FHIT: variants seen among roughly 807,000 people sequenced by gnomAD.
FHIT encodes the protein fragile histidine triad diadenosine triphosphatase.
FHIT carries 19 observed loss-of-function variants against 17.9 expected under a neutral mutation model. The observed-to-expected ratio is 1.06, with a 90% confidence interval of 0.74 to 1.56. The LOEUF (loss-of-function observed/expected upper bound fraction) is 1.56. Among genes scored for constraint, FHIT ranks in the 40% most tolerant of loss-of-function variants. FHIT has a pLI of 0.00. For missense variants in FHIT, 248 were observed against 189.2 expected (o/e 1.31, Z -1.82); for synonymous variants, 81 against 69.7 (o/e 1.16, Z -0.81).
At chr3:60,170,465 G>C (rs1701368529) in intron 5 of FHIT, among the ~76,000 whole-genome samples, 1 of 152,126 alleles carries the variant, frequency 6.6e-6, no homozygotes, top group South Asian at 2.1e-4. Flanking sequence ...TCCCACGTGA[G>C]TATAAATGTG....
intron 8 of FHIT, among the ~76,000 whole-genome samples, chr3:59,798,934 T>C (rs1489939067): frequency 1.3e-5 from 2 of 152,208 alleles, no homozygotes; most frequent in East Asian, 1.9e-4. Context: ...TAAAATATGA[T>C]TGGGAGGGTA....
intron 4 of FHIT, among the ~76,000 whole-genome samples, chr3:60,564,226 T>A (rs1244678406): frequency 6.6e-6 from 1 of 152,206 alleles, no homozygotes; most frequent in African/African-American, 2.4e-5. Context: ...CATGATTTAC[T>A]GAATTTTTTA....
At chr3:60,639,395 A>C (rs1165593574) in intron 4 of FHIT, among the ~76,000 whole-genome samples, 1 of 152,160 alleles carries the variant, frequency 6.6e-6, no homozygotes, top group Non-Finnish European at 1.5e-5. Context: ...TAACTAAGCA[A>C]AAATCAATGC....
intron 5 of FHIT, among the ~76,000 whole-genome samples, chr3:60,164,917 T>A (rs367889114): frequency 6.6e-6 from 1 of 152,154 alleles, no homozygotes; most frequent in Admixed American, 6.5e-5. Flanking sequence ...AACTCCAATT[T>A]TCCAGGACAG....
chr3:60,661,629 G>A (rs1359125364), intron 4 of FHIT, among the ~76,000 whole-genome samples: 3 of 152,086 alleles, frequency 2.0e-5, no homozygotes, highest in African/African-American at 4.8e-5. Flanking sequence ...GAATCTCCAC[G>A]CTGTTTTCCA....
At chr3:61,176,022 A>G (rs961391446) in intron 2 of FHIT, among the ~76,000 whole-genome samples, 5 of 152,244 alleles carry the variant, frequency 3.3e-5, no homozygotes, top group African/African-American at 1.2e-4. Flanking sequence ...GCAAATCGTA[A>G]TTGACAAACA....
intron 7 of FHIT, among the ~76,000 whole-genome samples, chr3:59,947,089 A>C (rs913483117): frequency 3.3e-5 from 5 of 152,200 alleles, no homozygotes; most frequent in Non-Finnish European, 5.9e-5. Flanking sequence ...TGGGAATAGT[A>C]CCAGCTCCTC....
chr3:60,169,821 A>T (rs1368756111), intron 5 of FHIT, among the ~76,000 whole-genome samples: 1 of 152,156 alleles, frequency 6.6e-6, no homozygotes, highest in Admixed American at 6.6e-5. Flanking sequence ...AGAATGCAAC[A>T]AAGTGGGGAT....
chr3:59,842,411 C>T (rs182831252), intron 8 of FHIT, among the ~76,000 whole-genome samples: 140 of 152,242 alleles, frequency 9.2e-4, no homozygotes, highest in African/African-American at 2.5e-3. Context: ...TTCCTGCTTT[C>T]AATTATTTCA....
intron 7 of FHIT, among the ~76,000 whole-genome samples, chr3:59,963,926 A>AT (rs747633216): frequency 9.9e-5 from 15 of 152,182 alleles, no homozygotes; most frequent in Non-Finnish European, 1.6e-4. Context: ...AAAACGTCAC[A>AT]TTTTTCATCG....
intron 2 of FHIT, among the ~76,000 whole-genome samples, chr3:61,161,984 T>C (rs2037710146): frequency 6.6e-6 from 1 of 152,224 alleles, no homozygotes; most frequent in African/African-American, 2.4e-5. Flanking sequence ...TTCTCTCAAA[T>C]ATTAGGTAAG....
At chr3:61,000,941 T>C (rs1325355228) in intron 3 of FHIT, among the ~76,000 whole-genome samples, 6 of 150,692 alleles carry the variant, frequency 4.0e-5, no homozygotes, top group African/African-American at 1.5e-4. Context: ...CTACAGTATA[T>C]AAATAATTCT....
chr3:60,252,875 G>A (rs184449487), intron 5 of FHIT, among the ~76,000 whole-genome samples: 3 of 152,030 alleles, frequency 2.0e-5, no homozygotes, highest in East Asian at 1.9e-4. Context: ...GCGGGTGCCT[G>A]TAGTTCCAGC....
chr3:60,303,829 C>A (rs1032721668), intron 5 of FHIT, among the ~76,000 whole-genome samples: 1 of 152,044 alleles, frequency 6.6e-6, no homozygotes, highest in African/African-American at 2.4e-5. Context: ...ATAACCCAAC[C>A]CACTCTGACT....
At position 61,158,774 on chromosome 3, in the gene FHIT, A is replaced by G. The variant is rs138201698; in HGVS notation, c.-164+41843T>C. 2.3e-3 allele frequency among the ~76,000 whole-genome samples: 356 copies of G among 152,370 alleles called. 1 individual carries two copies. Among genetic ancestry groups the G allele is most frequent in the African/African-American group, 8.0e-3 (333 of 41,600 alleles). The stretch of plus-strand genomic sequence containing the variant: ...AAGAATGAATGCTTTTTAGCAAATG[A>G]GAACACAAAGTCACATGATCTTTAT... On this transcript the variant is annotated intron_variant, in intron 2 of 9. Coordinates refer to ENST00000492590, the MANE Select transcript of FHIT (RefSeq NM_002012.4).
chr3:61,105,619 A>G (rs1181722539), intron 2 of FHIT, among the ~76,000 whole-genome samples: 1 of 152,132 alleles, frequency 6.6e-6, no homozygotes, highest in Admixed American at 6.6e-5. Context: ...AAAGTCTGGG[A>G]TCAACTCTCC....
At chr3:60,706,770 A>G (rs1205115917) in intron 4 of FHIT, among the ~76,000 whole-genome samples, 1 of 152,282 alleles carries the variant, frequency 6.6e-6, no homozygotes, top group South Asian at 2.1e-4. Context: ...GTTTTTGTCC[A>G]TTTTCATCAT....
At chr3:60,178,978 A>C (rs1005068572) in intron 5 of FHIT, among the ~76,000 whole-genome samples, 2 of 152,106 alleles carry the variant, frequency 1.3e-5, no homozygotes, top group African/African-American at 4.8e-5. Context: ...AGCCCTATAA[A>C]ATATACTTCA....
At chr3:60,806,891 T>C (rs1553734444) in intron 4 of FHIT, among the ~76,000 whole-genome samples, 1 of 152,194 alleles carries the variant, frequency 6.6e-6, no homozygotes, top group Non-Finnish European at 1.5e-5. Context: ...GAGGCCAACA[T>C]CTTAGAAAAT....
Sources: gnomAD v4.1 joint callset for allele counts (sites outside exome capture counted in the v4.1 genomes callset) on GRCh38, gnomAD v4.1.1 for gene constraint, MANE v1.5 for transcripts, NCBI Gene and HGNC (gene_info 2026-07-23, HGNC 2026-07-21) for gene names.